CLMP: variants seen among roughly 807,000 people sequenced by gnomAD.
CLMP encodes the protein CXADR-like membrane protein.
Under a neutral mutation model 45.2 loss-of-function variants are expected in CLMP, and 27 were observed. The observed-to-expected ratio is 0.60, with a 90% CI of 0.44 to 0.82. The LOEUF (loss-of-function observed/expected upper bound fraction) is 0.82, where lower values mean the gene tolerates loss of function less well. Among genes scored for constraint, CLMP ranks in the 40% least tolerant of loss-of-function variants. The pLI is 0.00. For synonymous variants in CLMP, 167 were observed against 171.4 expected, an observed-to-expected ratio of 0.97 and a Z score of 0.20; for missense variants, 403 against 448.4, an observed-to-expected ratio of 0.90 and a Z score of 0.91.
At chr11:123,104,127 G>C (rs1209499600) in intron 1 of CLMP, among the ~76,000 whole-genome samples, 7 of 117,466 alleles carry the variant, frequency 6.0e-5, no homozygotes, top group Non-Finnish European at 1.1e-4. Context: ...ACCATGCCTG[G>C]CTTTTTTTTT....
At chr11:123,133,631 A>G (rs1431450547) in intron 1 of CLMP, among the ~76,000 whole-genome samples, 1 of 152,068 alleles carries the variant, frequency 6.6e-6, no homozygotes, top group Non-Finnish European at 1.5e-5. Flanking sequence ...ACCCCAAAAT[A>G]TGACACCTTG....
intron 1 of CLMP, among the ~76,000 whole-genome samples, chr11:123,184,943 C>T (rs1207681121): frequency 6.6e-6 from 1 of 152,186 alleles, no homozygotes; most frequent in Non-Finnish European, 1.5e-5. Context: ...CAAACTGTAC[C>T]ATAACATGCC....
At chr11:123,077,864 C>T (rs924511287) in intron 5 of CLMP, among the ~76,000 whole-genome samples, 2 of 152,066 alleles carry the variant, frequency 1.3e-5, no homozygotes, top group East Asian at 1.9e-4. Context: ...CTCAGCACTT[C>T]GGGAAGGTGA....
At chr11:123,131,115 T>A (rs1860981537) in intron 1 of CLMP, among the ~76,000 whole-genome samples, 1 of 152,164 alleles carries the variant, frequency 6.6e-6, no homozygotes, top group Non-Finnish European at 1.5e-5. Context: ...AGTGCTGGGA[T>A]TACAGGCGTG....
At chr11:123,143,305 C>A (rs1375835334) in intron 1 of CLMP, among the ~76,000 whole-genome samples, 3 of 152,186 alleles carry the variant, frequency 2.0e-5, no homozygotes, top group Admixed American at 6.5e-5. Context: ...TTGTCCCCGA[C>A]CCTCACTTTC....
At chr11:123,160,279 C>CAA (rs67087501) in intron 1 of CLMP, among the ~76,000 whole-genome samples, 3,980 of 40,510 alleles carry the variant, frequency 0.098, 313 homozygotes, top group African/African-American at 0.18. Context: ...GACTCTGTCT[C>CAA]AAAAAAAAAA....
intron 1 of CLMP, among the ~76,000 whole-genome samples, chr11:123,172,030 T>C (rs1226891313): frequency 6.6e-6 from 1 of 152,108 alleles, no homozygotes; most frequent in East Asian, 1.9e-4. Context: ...ATTTTTTTTT[T>C]ACTCAACATT....
At chr11:123,115,671 C>T (rs1309105797) in intron 1 of CLMP, among the ~76,000 whole-genome samples, 1 of 152,060 alleles carries the variant, frequency 6.6e-6, no homozygotes, top group Non-Finnish European at 1.5e-5. Flanking sequence ...CATGGTGGGG[C>T]CTTCCAAGGT....
intron 1 of CLMP, among the ~76,000 whole-genome samples, chr11:123,117,681 C>G (rs994439350): frequency 2.0e-5 from 3 of 152,162 alleles, no homozygotes; most frequent in African/African-American, 7.2e-5. Flanking sequence ...CTCGCCTTGG[C>G]CTCCCAAAGC....
At chr11:123,146,437 C>T (rs1861239098) in intron 1 of CLMP, among the ~76,000 whole-genome samples, 1 of 152,050 alleles carries the variant, frequency 6.6e-6, no homozygotes, top group Non-Finnish European at 1.5e-5. Flanking sequence ...ACATATTAAG[C>T]ACCTGCTGTT....
chr11:123,109,059 C>CAAAA (rs776811883), intron 1 of CLMP, among the ~76,000 whole-genome samples: 46 of 63,248 alleles, frequency 7.3e-4, no homozygotes, highest in Non-Finnish European at 8.4e-4. Context: ...AACTCTGTCT[C>CAAAA]AAAAAAAAAA....
Position 123,073,766 on chromosome 11 carries a change from G to A in CLMP, c.830C>T (p.Ala277Val), listed in dbSNP as rs1865702699. 1 of 1,590,898 alleles carries A rather than the reference G, an allele frequency of 6.3e-7. No homozygotes were observed. Among genetic ancestry groups the A allele is most frequent in the Non-Finnish European group, 8.6e-7 (1 of 1,169,342 alleles). ...CACAAGACGGGCTTTTGGAGCTTCA[G>A]CATCTTCTCTGAAGAGAAAAAACAG... is the stretch of plus-strand genomic sequence containing the variant. ...EERPNEIRED[A>V]EAPKARLVKP... Residue 277 changes from alanine to valine, a missense_variant, in exon 7 of 7, where the codon GCT (alanine) becomes GTT (valine). Ala to Val is a moderately conservative substitution (Grantham distance 64). Transcript: ENST00000448775.
At chr11:123,097,635 T>C (rs1435398941) in intron 2 of CLMP, among the ~76,000 whole-genome samples, 160 bp downstream of exon 2, 1 of 152,154 alleles carries the variant, frequency 6.6e-6, no homozygotes, top group Non-Finnish European at 1.5e-5. Context: ...AGCAATACTC[T>C]TTCTTCTCTA....
chr11:123,085,097 T>C (rs563150178), intron 2 of CLMP, among the ~76,000 whole-genome samples: 1 of 151,354 alleles, frequency 6.6e-6, no homozygotes, highest in African/African-American at 2.4e-5. Flanking sequence ...CATAGACTTA[T>C]GAAAGGAAAA....
chr11:123,184,001 A>C (rs1308603754), intron 1 of CLMP, among the ~76,000 whole-genome samples: 1 of 152,240 alleles, frequency 6.6e-6, no homozygotes, highest in Non-Finnish European at 1.5e-5. Context: ...CCTCATCTGC[A>C]AAATGAAGGC....
chr11:123,150,531 A>AAGGAAGGAAG, intron 1 of CLMP, among the ~76,000 whole-genome samples: 1 of 85,296 alleles, frequency 1.2e-5, no homozygotes, highest in East Asian at 3.8e-4. Context: ...AAGGAAGGAA[A>AAGGAAGGAAG]GAAACAAGCA....
Position 123,195,099 on chromosome 11 carries a change from G to A in CLMP, c.-159C>T. ...CGGGCGGGAGCCGGCCCCGCGCCCC[G>A]TGCCCCTGGGGGCAGATGGGCTCCC... On this transcript the variant is annotated 5_prime_UTR_variant, in exon 1 of 7. It adds an upstream start codon to the 5' untranslated region. Transcript: ENST00000448775. 1 of 473,402 alleles carries A rather than the reference G, an allele frequency of 2.1e-6. No individual in the cohort carries two copies. The highest frequency in any genetic ancestry group is 3.2e-6 in the Non-Finnish European group (1 of 308,450). 29.3% of individuals were successfully genotyped at this position (473,402 alleles called of 1,614,324 possible). A position where few individuals can be genotyped will look rare whatever the true frequency, so the allele number is the denominator to read the frequency against.
intron 1 of CLMP, among the ~76,000 whole-genome samples, chr11:123,184,513 T>C (rs1287558611): frequency 6.6e-6 from 1 of 152,188 alleles, no homozygotes; most frequent in Non-Finnish European, 1.5e-5. Context: ...AGGGTGAACC[T>C]GGCGAGGCGG....
At chr11:123,159,444 G>A (rs180880102) in intron 1 of CLMP, among the ~76,000 whole-genome samples, 68 of 152,332 alleles carry the variant, frequency 4.5e-4, no homozygotes, top group Admixed American at 3.4e-3. Context: ...CTGTGGGCAG[G>A]CAAGCCTGGG....
Sources: allele counts gnomAD v4.1 joint callset (sites outside exome capture counted in the v4.1 genomes callset), GRCh38; gene constraint gnomAD v4.1.1; transcripts MANE v1.5; gene names NCBI Gene and HGNC (gene_info 2026-07-23, HGNC 2026-07-21).